Variants in PCDH15 observed in about 807,000 individuals in gnomAD.
The protein encoded by PCDH15 is protocadherin related 15.
A neutral mutation model predicts 178.5 loss-of-function variants in PCDH15; 129 were observed. The ratio of observed to expected loss-of-function variants is 0.72; its 90% CI spans 0.63 to 0.84. The LOEUF is 0.84. Ranked by LOEUF, PCDH15 falls within the 40% of genes least tolerant of loss-of-function variation. The probability of loss-of-function intolerance (pLI) is 0.00; values close to 1 mark genes in which losing one functional copy is unlikely to be tolerated. For missense variants in PCDH15, 2,230 were observed against 2,099.9 expected (o/e 1.06, Z -1.21); for synonymous variants, 800 against 732.0 (o/e 1.09, Z -1.50).
At chr10:54,190,107 T>C (rs1231729099) in intron 11 of PCDH15, among the ~76,000 whole-genome samples, 3 of 152,140 alleles carry the variant, frequency 2.0e-5, no homozygotes, top group East Asian at 1.9e-4. Context: ...CTCACATTCC[T>C]GGCTATTGTT....
At chr10:53,838,785 G>A (rs1017865345) in intron 29 of PCDH15, among the ~76,000 whole-genome samples, 15 of 152,014 alleles carry the variant, frequency 9.9e-5, no homozygotes, top group African/African-American at 3.4e-4. Flanking sequence ...AATTGGCTTG[G>A]TAGATCTAAA....
At chr10:53,823,559 A>G in intron 32 of PCDH15, 1 of 693,708 alleles carries the variant, frequency 1.4e-6, no homozygotes, top group Non-Finnish European at 2.6e-6. Flanking sequence ...AGTTGTGAGA[A>G]GAATGAGAAA....
At chr10:54,480,007 C>T (rs1301049311) in intron 3 of PCDH15, among the ~76,000 whole-genome samples, 1 of 151,984 alleles carries the variant, frequency 6.6e-6, no homozygotes, top group African/African-American at 2.4e-5. Context: ...ATAATTATGA[C>T]TCACTAGAGT....
At chr10:55,136,636 C>T (rs376016772) in intron 2 of PCDH15, among the ~76,000 whole-genome samples, 1 of 152,030 alleles carries the variant, frequency 6.6e-6, no homozygotes, top group African/African-American at 2.4e-5. Context: ...AGCATTCAGG[C>T]TTAAAGTTTC....
At chr10:54,511,863 G>A (rs1198497131) in intron 3 of PCDH15, among the ~76,000 whole-genome samples, 1 of 152,056 alleles carries the variant, frequency 6.6e-6, no homozygotes, top group Non-Finnish European at 1.5e-5. Context: ...AATAAGGTAT[G>A]TGAGTGCTTA....
chr10:54,454,465 TTAA>T (rs1168553261), intron 3 of PCDH15, among the ~76,000 whole-genome samples: 8 of 149,018 alleles, frequency 5.4e-5, no homozygotes, highest in Non-Finnish European at 1.0e-4. Context: ...TAATTTTTAA[TTAA>T]TAATTAAAAT....
intron 2 of PCDH15, among the ~76,000 whole-genome samples, chr10:55,362,173 G>A (rs1268430968): frequency 6.6e-6 from 1 of 152,034 alleles, no homozygotes; most frequent in African/African-American, 2.4e-5. Flanking sequence ...AGAAAAAAAT[G>A]TCTGAGATTT....
At chr10:55,357,738 C>T (rs1157839420) in intron 2 of PCDH15, among the ~76,000 whole-genome samples, 2 of 151,832 alleles carry the variant, frequency 1.3e-5, no homozygotes, top group Non-Finnish European at 2.9e-5. Context: ...AAAGCATATG[C>T]CAGCCTATAG....
In PCDH15 at chr10:54,463,016, C is replaced by A. The variant is rs193140945; in HGVS notation, c.157+64796G>T. 4.2e-4 allele frequency among the ~76,000 whole-genome samples: 64 copies of A among 152,166 alleles called. 2 individuals carry two copies. The East Asian group carries it at 0.012, about 28-fold the overall frequency. Reference sequence around the variant, plus strand: ...AAGTAGCTTAACAGTAGAGTCCACACATGTTGGGTATTAACGTAAAAACTT... The same window carrying A: ...AAGTAGCTTAACAGTAGAGTCCACAAATGTTGGGTATTAACGTAAAAACTT... On this transcript the variant is annotated intron_variant, in intron 3 of 37. Coordinates refer to ENST00000644397, the MANE Select transcript of PCDH15 (RefSeq NM_001384140.1).
intron 8 of PCDH15, among the ~76,000 whole-genome samples, chr10:54,247,584 T>C (rs12242872): frequency 0.044 from 6,746 of 151,946 alleles, 385 homozygotes; most frequent in African/African-American, 0.13. Flanking sequence ...AATAATCTGG[T>C]CATAAGAGTG....
At chr10:55,153,461 C>T (rs1838793087) in intron 2 of PCDH15, among the ~76,000 whole-genome samples, 1 of 152,070 alleles carries the variant, frequency 6.6e-6, no homozygotes, top group Non-Finnish European at 1.5e-5. Flanking sequence ...AATTTTTCAC[C>T]TTTGTAGTGG....
chr10:55,100,203 T>C (rs1034975583), intron 2 of PCDH15, among the ~76,000 whole-genome samples: 1 of 152,122 alleles, frequency 6.6e-6, no homozygotes, highest in Non-Finnish European at 1.5e-5. Flanking sequence ...TATGCAAAAG[T>C]ATTTAGGCCA....
At chr10:54,457,569 T>C (rs539813900) in intron 3 of PCDH15, among the ~76,000 whole-genome samples, 3 of 152,198 alleles carry the variant, frequency 2.0e-5, no homozygotes, top group Non-Finnish European at 4.4e-5. Flanking sequence ...TGGAGAAAAC[T>C]GGTTTATGTA....
intron 2 of PCDH15, among the ~76,000 whole-genome samples, chr10:55,401,906 G>A (rs1050158321): frequency 1.3e-5 from 2 of 151,936 alleles, no homozygotes; most frequent in Non-Finnish European, 1.5e-5. Flanking sequence ...CATATTTACA[G>A]AATGGATGCT....
At chr10:55,432,776 A>AATATAT (rs34512028) in intron 2 of PCDH15, among the ~76,000 whole-genome samples, 7 of 147,820 alleles carry the variant, frequency 4.7e-5, no homozygotes, top group Non-Finnish European at 1.0e-4. Flanking sequence ...ACGCCCGGCT[A>AATATAT]ATATATATAT....
intron 1 of PCDH15, among the ~76,000 whole-genome samples, chr10:55,184,560 G>A (rs1042886897): frequency 6.6e-6 from 1 of 151,826 alleles, no homozygotes; most frequent in African/African-American, 2.4e-5. Context: ...TGACATTTAC[G>A]ATACTTATCA....
chr10:55,508,399 G>A (rs994877794), intron 2 of PCDH15, among the ~76,000 whole-genome samples: 2 of 151,726 alleles, frequency 1.3e-5, no homozygotes, highest in African/African-American at 4.8e-5. Context: ...ACTTCGGTTA[G>A]TTTAAAAAGC....
At chr10:54,484,156 A>G (rs2078923597) in intron 3 of PCDH15, among the ~76,000 whole-genome samples, 1 of 151,926 alleles carries the variant, frequency 6.6e-6, no homozygotes. Flanking sequence ...ACTGAATTGA[A>G]CAGAAAGACA....
chr10:55,497,496 A>T (rs780305617), intron 2 of PCDH15, among the ~76,000 whole-genome samples: 9 of 151,838 alleles, frequency 5.9e-5, no homozygotes, highest in Non-Finnish European at 1.5e-5. Flanking sequence ...GTAAGTAATA[A>T]CACAGCTTTG....
Sources: gnomAD v4.1 joint callset for allele counts (sites outside exome capture counted in the v4.1 genomes callset) on GRCh38, gnomAD v4.1.1 for gene constraint, MANE v1.5 for transcripts, NCBI Gene and HGNC (gene_info 2026-07-23, HGNC 2026-07-21) for gene names.